The following TEPSIN variants were observed in gnomAD, a reference collection of about 807,000 sequenced individuals.
TEPSIN encodes the protein AP-4 complex accessory subunit tepsin.
In TEPSIN, 50 loss-of-function variants were observed where a neutral mutation model predicts 48.5. The ratio of observed to expected loss-of-function variants is 1.03; its 90% CI spans 0.82 to 1.31. TEPSIN has a LOEUF of 1.31. Ranked by LOEUF, TEPSIN falls within the 50% of genes most tolerant of loss-of-function variation. The probability of loss-of-function intolerance (pLI) is 0.00; values close to 1 mark genes in which losing one functional copy is unlikely to be tolerated. For missense variants in TEPSIN, 838 were observed against 815.9 expected (o/e 1.03, Z -0.33); for synonymous variants, 392 against 358.8 (o/e 1.09, Z -1.05).
intron 12 of TEPSIN, 176 bp from the exon 13 acceptor site, chr17:81,229,652 C>T: frequency 1.5e-6 from 1 of 659,210 alleles, no homozygotes; most frequent in Non-Finnish European, 2.6e-6. Context: ...TGTCATCCCA[C>T]CGAGAGCAGC....
At chr17:81,232,836 T>G (rs895285960) in intron 7 of TEPSIN, 112 of 337,816 alleles carry the variant, frequency 3.3e-4, no homozygotes, top group Middle Eastern at 7.8e-4. Flanking sequence ...TGTCCAGGGC[T>G]CGGGGAGGGG....
Position 81,231,612 on chromosome 17 carries a change from G to A in TEPSIN, c.985C>T (p.Leu329=). The change falls in exon 10 of 13, where the codon CTG becomes TTG. Residue 329 remains leucine (L), a synonymous_variant. Transcript: ENST00000637944. The part of the protein sequence containing the change: ...RTVTRGPRAF[L]SREEAQHFIK... ...AAGTGCTGTGCCTCCTCGCGGCTCA[G>A]GAAGGCGCGTGGTCCCCGAGTCACA... The A allele has an allele frequency of 6.2e-7, 1 of 1,613,156 alleles. No individual in the cohort carries two copies. The highest frequency in any genetic ancestry group is 8.5e-7 in the Non-Finnish European group (1 of 1,179,754).
rs1239457696 is a variant in TEPSIN at position 81,231,414 on chromosome 17, C to G, written c.1082G>C (p.Ser361Thr). 5.1e-6 allele frequency: 8 copies of G among 1,555,950 alleles called. No individual in the cohort carries two copies. The highest frequency in any genetic ancestry group is 1.2e-5 in the South Asian group (1 of 84,506). ...GCAGCTCACCAGCTGCGTGCATTCA[C>G]TGGTCCCACGCAGGTGGCAGGTCAG... ...QLLTCHLRGT[S>T]ECTQLRALCA... The change falls in exon 11 of 13, where the codon AGT (serine) becomes ACT (threonine). Residue 361 changes from serine to threonine, a missense_variant. Physicochemically the swap from Ser to Thr is moderately conservative, Grantham distance 58. Coordinates refer to ENST00000637944, the MANE Select transcript of TEPSIN (RefSeq NM_001363764.2).
chr17:81,238,603 A>G, intron 1 of TEPSIN: 2 of 1,096,186 alleles, frequency 1.8e-6, no homozygotes, highest in East Asian at 5.6e-5. Context: ...CTGAAACGCC[A>G]CCGTCAGGGA....
intron 1 of TEPSIN, chr17:81,237,887 G>A: frequency 1.2e-6 from 1 of 806,340 alleles, no homozygotes; most frequent in Non-Finnish European, 1.5e-6. Flanking sequence ...GGCCGGAATG[G>A]CAGAGTGACA....
At position 81,232,395 on chromosome 17, in the gene TEPSIN, T is replaced by C. The variant is rs1456955541; in HGVS notation, c.650A>G (p.Gln217Arg). The change falls in exon 8 of 13, where the codon CAG becomes CGG. Residue 217 changes from glutamine (Q) to arginine (R), a missense_variant. Coordinates refer to ENST00000637944, the MANE Select transcript of TEPSIN (RefSeq NM_001363764.2). ...RRLLPRGDTY[Q>R]PAMMPSASHG... ...GCTGGCTGAAGGCATCATGGCAGGC[T>C]GGTAGGTGTCACCCCGCGGCAGGAG... 2 of 1,535,754 alleles carry C rather than the reference T, an allele frequency of 1.3e-6. No homozygotes were observed. Among genetic ancestry groups the C allele is most frequent in the South Asian group, 2.4e-5 (2 of 84,036 alleles).
rs1208556562 is a variant in TEPSIN, at chr17:81,239,010, C to A, written c.24G>T (p.Arg8=). Residue 8 remains arginine (R), a synonymous_variant, in exon 1 of 13, where the codon CGG becomes CGT. Coordinates refer to ENST00000637944, the MANE Select transcript of TEPSIN (RefSeq NM_001363764.2). MAAAPPL[R]DRLSFLHRLP... ...CCCGGTGTAGAAAGCTCAGGCGGTC[C>A]CGTAGCGGCGGCGCGGCAGCCATGA... 4 of 1,489,556 alleles carry A rather than the reference C, an allele frequency of 2.7e-6. No individual in the cohort carries two copies. In the South Asian group the frequency reaches 5.1e-5, roughly 19 times the overall value. The allele number at this position is 1,489,556 out of a possible 1,614,324, so 92.3% of individuals were successfully genotyped here.
chr17:81,228,861 T>C lies in TEPSIN; in HGVS notation c.*67A>G. ...AGACTGTAGCAGCTACGGTTGAGGC[T>C]GCTCAGGAAGCACAGACCGCCCCAG... On this transcript the variant is annotated 3_prime_UTR_variant, in exon 13 of 13. Transcript: ENST00000637944. 6.3e-7 allele frequency: 1 copy of C among 1,587,694 alleles called. No individual in the cohort carries two copies. Among genetic ancestry groups the C allele is most frequent in the Non-Finnish European group, 8.6e-7 (1 of 1,165,974 alleles).
rs1598343504 is a variant in TEPSIN at position 81,228,496 on chromosome 17, A to C, written c.*432T>G. The C allele has an allele frequency of 3.7e-6, 1 of 271,636 alleles. No homozygotes were observed. The highest frequency in any genetic ancestry group is 7.1e-6 in the Non-Finnish European group (1 of 141,570). 16.8% of individuals were successfully genotyped at this position (271,636 alleles called of 1,614,324 possible). On this transcript the variant is annotated 3_prime_UTR_variant, in exon 13 of 13. Coordinates refer to ENST00000637944, the MANE Select transcript of TEPSIN (RefSeq NM_001363764.2). ...AGGCAGCCCGGACAAGACACCCTCA[A>C]CCCACATGCACCAAACCCAGCCTCA... is the stretch of plus-strand genomic sequence containing the variant.
Position 81,233,953 on chromosome 17 carries a change from C to T in TEPSIN, c.375+28G>A, listed in dbSNP as rs763185535. The T allele has an allele frequency of 4.4e-6, 7 of 1,587,480 alleles. No homozygotes were observed. The highest frequency in any genetic ancestry group is 6.0e-6 in the Non-Finnish European group (7 of 1,171,680). On this transcript the variant is annotated intron_variant, in intron 5 of 12. Transcript: ENST00000637944. This position sits in a 1 kb window ranked among gnomAD's most constrained non-coding sequence, Gnocchi z 5.8. ...CCCCTCTACAGGAGGAGGGGCACCC[C>T]GCAGAGCGACACTGCTCCTGGGCTC...
At position 81,237,429 on chromosome 17, in the gene TEPSIN, C is replaced by T; in HGVS notation, c.79G>A (p.Asp27Asn). The T allele has an allele frequency of 6.2e-7, 1 of 1,611,564 alleles. No individual in the cohort carries two copies. The highest frequency in any genetic ancestry group is 8.5e-7 in the Non-Finnish European group (1 of 1,179,266). The change falls in exon 2 of 13, where the codon GAT (aspartate) becomes AAT (asparagine). Residue 27 changes from aspartate (D) to asparagine (N), a missense_variant. Asp to Asn is a conservative substitution (Grantham distance 23). Coordinates refer to ENST00000637944, the MANE Select transcript of TEPSIN (RefSeq NM_001363764.2). ...LPILLKGTSD[D>N]DVPCPGYLFE... ...AGGTAGCCCGGACACGGGACATCATCATCGGACGTCCCCTTCAGGAGAATC... is the reference window on the plus strand; with the variant it reads ...AGGTAGCCCGGACACGGGACATCATTATCGGACGTCCCCTTCAGGAGAATC...
chr17:81,229,052 GC>G lies in TEPSIN; in HGVS notation c.1657del (p.Ala553LeufsTer39), dbSNP rs749545703. ...ACAGGACTCTCCCGCAGCAGCCCCAGCCCCCACCAGGCGGGGACAGGCCACC... is the reference window on the plus strand; with the variant it reads ...ACAGGACTCTCCCGCAGCAGCCCCAGCCCCACCAGGCGGGGACAGGCCACC... ...ELVACPRLVG[A>X]GAAAGESCPD... On this transcript the variant is annotated frameshift_variant, in exon 13 of 13. Transcript: ENST00000637944. LOFTEE classifies it low-confidence loss of function (END_TRUNC). The G allele has an allele frequency of 5.0e-6, 8 of 1,613,352 alleles. No homozygotes were observed. In the African/African-American group the frequency reaches 1.1e-4, roughly 22 times the overall value.
Position 81,234,296 on chromosome 17 carries a change from G to C in TEPSIN, c.308-248C>G. ...ACAGCAACCACCTCGTCTCCCCCAG[G>C]GTCGGCAACCCCTGGTGCCTGAGCG... On this transcript the variant is annotated intron_variant, in intron 4 of 12. Transcript: ENST00000637944. This position sits in a 1 kb window ranked among gnomAD's most constrained non-coding sequence, Gnocchi z 5.4. 2.6e-6 allele frequency: 1 copy of C among 387,444 alleles called. No individual in the cohort carries two copies. Among genetic ancestry groups the C allele is most frequent in the East Asian group, 3.9e-5 (1 of 25,390 alleles). The allele number at this position is 387,444 out of a possible 1,614,324, so 24.0% of individuals were successfully genotyped here.
chr17:81,235,954 C>T (rs2062712805), intron 4 of TEPSIN, among the ~76,000 whole-genome samples: 1 of 152,208 alleles, frequency 6.6e-6, no homozygotes, highest in Admixed American at 6.5e-5. Flanking sequence ...GGATGGTACA[C>T]CCTGAGGTCT....
chr17:81,238,158 A>C (rs994972154), intron 1 of TEPSIN: 4 of 985,702 alleles, frequency 4.1e-6, no homozygotes, highest in South Asian at 4.7e-5. Context: ...AAGGGCCGAG[A>C]TCTAGTGACA....
In TEPSIN at chr17:81,229,336, G is replaced by C. The variant is rs761453976; in HGVS notation, c.1374C>G (p.Phe458Leu). ...CCGGGGTTGAACTCAGAGGCTGCAG[G>C]AAGACCTGGCTCCCAGGGAGAGGCA... ...DAVPLPGSQV[F>L]LQPLSSTPVS... Residue 458 changes from phenylalanine to leucine, a missense_variant, in exon 13 of 13, where the codon TTC becomes TTG. Transcript: ENST00000637944. 6.4e-7 allele frequency: 1 copy of C among 1,567,080 alleles called. No homozygotes were observed. The highest frequency in any genetic ancestry group is 2.3e-5 in the East Asian group (1 of 42,750).
chr17:81,231,048 C>T (rs567912846), intron 11 of TEPSIN: 40 of 503,394 alleles, frequency 7.9e-5, no homozygotes, highest in Admixed American at 1.5e-4. Flanking sequence ...CCCCGACACA[C>T]GCACACACGT....
In TEPSIN at chr17:81,233,250, C is replaced by T; in HGVS notation, c.526+182G>A. On this transcript the variant is annotated intron_variant, in intron 7 of 12. Transcript: ENST00000637944. The surrounding 1 kb of genome is among the most constrained non-coding windows in gnomAD (Gnocchi z 5.8). Reference sequence around the variant, plus strand: ...CATAAAGCAGCCCTGGCCACACCTGCCCCACCCCCACGTCAGCAGCCAGAG... The same window carrying T: ...CATAAAGCAGCCCTGGCCACACCTGTCCCACCCCCACGTCAGCAGCCAGAG... 5 of 714,996 alleles carry T rather than the reference C, an allele frequency of 7.0e-6. No homozygotes were observed. The highest frequency in any genetic ancestry group is 1.9e-5 in the South Asian group (1 of 52,754). 44.3% of individuals were successfully genotyped at this position (714,996 alleles called of 1,614,324 possible). A position where few individuals can be genotyped will look rare whatever the true frequency, so the allele number is the denominator to read the frequency against.
chr17:81,236,511 C>T (rs1032558144), intron 4 of TEPSIN, 197 bp downstream of exon 4: 8 of 642,720 alleles, frequency 1.2e-5, no homozygotes, highest in African/African-American at 1.8e-5. Flanking sequence ...GAGGCCGAGC[C>T]GGCCAGCTGG....
Sources: allele counts gnomAD v4.1 joint callset (sites outside exome capture counted in the v4.1 genomes callset), GRCh38; gene constraint gnomAD v4.1.1; non-coding constraint Gnocchi (gnomAD v3.1); transcripts MANE v1.5; gene names NCBI Gene and HGNC (gene_info 2026-07-23, HGNC 2026-07-21).